The following CACNA1I variants were observed in gnomAD, a reference collection of about 807,000 sequenced individuals.
The protein encoded by CACNA1I is calcium voltage-gated channel subunit alpha1 I.
A neutral mutation model predicts 201.6 loss-of-function variants in CACNA1I; 74 were observed. The observed-to-expected ratio is 0.37, with a 90% CI of 0.30 to 0.45. CACNA1I has a LOEUF of 0.45. Ranked by LOEUF, CACNA1I falls within the 20% of genes least tolerant of loss-of-function variation. The pLI, the probability that CACNA1I is intolerant of heterozygous loss-of-function variation, is 1.00. For missense variants in CACNA1I, 2,346 were observed against 3,138.1 expected, an observed-to-expected ratio of 0.75 and a Z score of 6.03; for synonymous variants, 1,431 against 1,345.2, an observed-to-expected ratio of 1.06 and a Z score of -1.40.
chr22:39,580,124 A>G (rs575714936), intron 1 of CACNA1I, among the ~76,000 whole-genome samples: 1 of 152,146 alleles, frequency 6.6e-6, no homozygotes, highest in Non-Finnish European at 1.5e-5. Flanking sequence ...TGGAGGAGAC[A>G]CACATCAAAG....
At position 39,665,767 on chromosome 22, in the gene CACNA1I, T is replaced by G. The variant is rs1601515183; in HGVS notation, c.3979-114T>G. 2 of 1,546,752 alleles carry G rather than the reference T, an allele frequency of 1.3e-6. No homozygotes were observed. The highest frequency in any genetic ancestry group is 4.5e-5 in the East Asian group (2 of 44,298). ...TCTCCTCCAGGGAGGGAGACAGACA[T>G]GGGCCCAGATGACTGAGCACAAGAC... On this transcript the variant is annotated intron_variant, in intron 22 of 36. Coordinates refer to ENST00000402142, the MANE Select transcript of CACNA1I (RefSeq NM_021096.4). This position sits in a 1 kb window ranked among gnomAD's most constrained non-coding sequence, Gnocchi z 5.5.
At chr22:39,613,986 C>T (rs1422211113) in intron 3 of CACNA1I, among the ~76,000 whole-genome samples, 9 of 152,246 alleles carry the variant, frequency 5.9e-5, no homozygotes, top group East Asian at 1.9e-4. Flanking sequence ...TACAGGCGTG[C>T]GCCACCATGC....
At position 39,677,523 on chromosome 22, in the gene CACNA1I, G is replaced by T; in HGVS notation, c.4933+104G>T. The T allele has an allele frequency of 1.3e-6, 1 of 792,486 alleles. No homozygotes were observed. Among genetic ancestry groups the T allele is most frequent in the Non-Finnish European group, 2.0e-6 (1 of 511,528 alleles). The allele number at this position is 792,486 out of a possible 1,614,324, so 49.1% of individuals were successfully genotyped here. A position where few individuals can be genotyped will look rare whatever the true frequency, so the allele number is the denominator to read the frequency against. ...AGACCCCTGAGCCCGTCACATCAGG[G>T]TCTTTGTATTGGGGAGATGCCTACA... On this transcript the variant is annotated intron_variant, in intron 30 of 36. Coordinates refer to ENST00000402142, the MANE Select transcript of CACNA1I (RefSeq NM_021096.4). The surrounding 1 kb of genome is among the most constrained non-coding windows in gnomAD (Gnocchi z 4.8).
At chr22:39,664,598 G>A in intron 20 of CACNA1I, 141 bp from the exon 21 acceptor site, 1 of 535,952 alleles carries the variant, frequency 1.9e-6, no homozygotes, top group South Asian at 2.0e-5. Flanking sequence ...CCTTCCCTTC[G>A]GCCCCGCCAC....
Position 39,619,269 on chromosome 22 carries a change from G to A in CACNA1I, c.483-41G>A, listed in dbSNP as rs541405561. 2.0e-6 allele frequency: 3 copies of A among 1,506,368 alleles called. No individual in the cohort carries two copies. In the South Asian group the frequency reaches 3.4e-5, roughly 17 times the overall value. The allele number at this position is 1,506,368 out of a possible 1,614,324, so 93.3% of individuals were successfully genotyped here. On this transcript the variant is annotated intron_variant, in intron 3 of 36. Transcript: ENST00000402142. ...GTGGCCCGGGCCCTGGCCCCAGCTG[G>A]CCTCCAGCACCATCCCTCACTCTCT...
intron 28 of CACNA1I, among the ~76,000 whole-genome samples, chr22:39,673,732 G>C (rs569367308): frequency 4.6e-5 from 7 of 152,256 alleles, no homozygotes; most frequent in Admixed American, 6.5e-5. Flanking sequence ...CCCCGTCCTC[G>C]GGGGCTTTTC....
Position 39,686,534 on chromosome 22 carries a change from G to A in CACNA1I, c.*129G>A. 2 of 689,228 alleles carry A rather than the reference G, an allele frequency of 2.9e-6. No individual in the cohort carries two copies. The highest frequency in any genetic ancestry group is 3.9e-6 in the Non-Finnish European group (2 of 507,480). The allele number at this position is 689,228 out of a possible 1,614,324, so 42.7% of individuals were successfully genotyped here. On this transcript the variant is annotated 3_prime_UTR_variant, in exon 37 of 37. Transcript: ENST00000402142. ...CAGGGCCCGCAGGGCACAGGCGCCC[G>A]ACAGCCGGGCTGAGCGGAGTCTGGG...
At position 39,681,031 on chromosome 22, in the gene CACNA1I, A is replaced by T. The variant is rs1002526028; in HGVS notation, c.5643A>T (p.Pro1881=). Reference sequence around the variant, plus strand: ...GTCTCGAGGACCCCACAGCCTGCCCACCTGGCCGCAAAGACAGCAAGGTCA... The same window carrying T: ...GTCTCGAGGACCCCACAGCCTGCCCTCCTGGCCGCAAAGACAGCAAGGTCA... ...DLSLEDPTAC[P]PGRKDSKGEL... Residue 1881 remains proline (P), a synonymous_variant, in exon 34 of 37, where the codon CCA becomes CCT. Transcript: ENST00000402142. The T allele has an allele frequency of 2.5e-6, 4 of 1,609,644 alleles. No homozygotes were observed. In the African/African-American group the frequency reaches 5.3e-5, roughly 22 times the overall value.
chr22:39,590,599 C>T lies in CACNA1I; in HGVS notation c.237-7552C>T, dbSNP rs148458281. On this transcript the variant is annotated intron_variant, in intron 1 of 36. Transcript: ENST00000402142. ...CATCTCAGTTGGGGGTCCCTCACATCGCAGACACTGAACCAGGTGATGGCA... is the reference window on the plus strand; with the variant it reads ...CATCTCAGTTGGGGGTCCCTCACATTGCAGACACTGAACCAGGTGATGGCA... Among the ~76,000 whole-genome samples the T allele has an allele frequency of 2.7e-4, 41 of 152,330 alleles. 1 individual carries two copies. The East Asian group carries it at 7.9e-3, about 29-fold the overall frequency.
At chr22:39,620,065 A>ACCCGTCCACCCACCCACCTG (rs58664555) in intron 4 of CACNA1I, among the ~76,000 whole-genome samples, 1 of 94,378 alleles carries the variant, frequency 1.1e-5, no homozygotes, top group Non-Finnish European at 2.1e-5. Context: ...CCACCCACCC[A>ACCCGTCCACCCACCCACCTG]TCCACCCACC....
intron 4 of CACNA1I, among the ~76,000 whole-genome samples, chr22:39,620,280 C>T (rs555176435): frequency 3.2e-5 from 2 of 62,188 alleles, no homozygotes; most frequent in South Asian, 7.0e-4. Flanking sequence ...TCCATCCATA[C>T]GTACATACAT....
intron 4 of CACNA1I, among the ~76,000 whole-genome samples, chr22:39,621,969 G>A (rs1933755924): frequency 6.6e-6 from 1 of 152,176 alleles, no homozygotes; most frequent in African/African-American, 2.4e-5. Flanking sequence ...AACAAATGAG[G>A]AAACTAAGGT....
chr22:39,597,918 G>A lies in CACNA1I; in HGVS notation c.237-233G>A, dbSNP rs138238213. On this transcript the variant is annotated intron_variant, in intron 1 of 36. Transcript: ENST00000402142. ...CTCTCAGGCTGGGGCAAGGAGTGGG[G>A]TCCTGCAGCTGGGGGCCTGGTGGGT... 1.1e-3 allele frequency among the ~76,000 whole-genome samples: 173 copies of A among 152,312 alleles called. 5 individuals carry two copies. In the East Asian group the frequency reaches 0.016, roughly 14 times the overall value.
At chr22:39,618,905 A>T (rs1049309131) in intron 3 of CACNA1I, among the ~76,000 whole-genome samples, 3 of 152,116 alleles carry the variant, frequency 2.0e-5, no homozygotes, top group South Asian at 2.1e-4. Flanking sequence ...CTAGTTGAGC[A>T]TGGAAGGGAT....
At chr22:39,583,515 T>C (rs1320002560) in intron 1 of CACNA1I, among the ~76,000 whole-genome samples, 1 of 152,168 alleles carries the variant, frequency 6.6e-6, no homozygotes, top group East Asian at 1.9e-4. Context: ...CGTCTGCTTA[T>C]CCACCCATCC....
At chr22:39,628,096 C>T (rs763246683) in intron 4 of CACNA1I, among the ~76,000 whole-genome samples, 20 of 152,294 alleles carry the variant, frequency 1.3e-4, no homozygotes, top group Admixed American at 3.3e-4. Flanking sequence ...AGGTCGAGTT[C>T]TGCATTCTGT....
rs1601534659 is a variant in CACNA1I at position 39,684,669 on chromosome 22, G to A, written c.6027+171G>A. 4 of 703,560 alleles carry A rather than the reference G, an allele frequency of 5.7e-6. No individual in the cohort carries two copies. The highest frequency in any genetic ancestry group is 9.6e-6 in the Non-Finnish European group (4 of 415,418). 43.6% of individuals were successfully genotyped at this position (703,560 alleles called of 1,614,324 possible). A position where few individuals can be genotyped will look rare whatever the true frequency, so the allele number is the denominator to read the frequency against. On this transcript the variant is annotated intron_variant, in intron 36 of 36. Coordinates refer to ENST00000402142, the MANE Select transcript of CACNA1I (RefSeq NM_021096.4). The surrounding 1 kb of genome is among the most constrained non-coding windows in gnomAD (Gnocchi z 4.6). ...GGGTGACGCTGAGACTGGAGGGGGA[G>A]GTGGCACTGGGGCGGATGGAGTGGG... is the stretch of plus-strand genomic sequence containing the variant.
In CACNA1I at chr22:39,661,543, C is replaced by T. The variant is rs114768056; in HGVS notation, c.2901+233C>T. Among the ~76,000 whole-genome samples the T allele has an allele frequency of 5.6e-3, 853 of 152,320 alleles. 7 individuals carry two copies. Among genetic ancestry groups the T allele is most frequent in the African/African-American group, 0.019 (806 of 41,566 alleles). On this transcript the variant is annotated intron_variant, in intron 16 of 36. Transcript: ENST00000402142. ...CTGGTGCAGAGAATTGGATTTTCAT[C>T]TCAGCAACAATGTGTAGGGTAAAAA... is the stretch of plus-strand genomic sequence containing the variant.
chr22:39,659,737 G>T lies in CACNA1I; in HGVS notation c.2489G>T (p.Gly830Val). 6.2e-7 allele frequency: 1 copy of T among 1,613,932 alleles called. No individual in the cohort carries two copies. The highest frequency in any genetic ancestry group is 8.5e-7 in the Non-Finnish European group (1 of 1,179,868). The change falls in exon 14 of 37, where the codon GGC (glycine) becomes GTC (valine). Residue 830 changes from glycine (G) to valine (V), a missense_variant. By Grantham distance (109) the Gly-to-Val change is moderately radical. Coordinates refer to ENST00000402142, the MANE Select transcript of CACNA1I (RefSeq NM_021096.4). The surrounding 1 kb of genome is among the most constrained non-coding windows in gnomAD (Gnocchi z 4.3). Reference sequence around the variant, plus strand: ...GACTGGAACGTCGTTCTCTACAATGGCATGGCCTCCACTTCTCCCTGGGCC... The same window carrying T: ...GACTGGAACGTCGTTCTCTACAATGTCATGGCCTCCACTTCTCCCTGGGCC... ...QEDWNVVLYN[G>V]MASTSPWASL...
Sources: gnomAD v4.1 joint callset for allele counts (sites outside exome capture counted in the v4.1 genomes callset) on GRCh38, gnomAD v4.1.1 for gene constraint, Gnocchi (gnomAD v3.1) non-coding constraint, MANE v1.5 for transcripts, NCBI Gene and HGNC (gene_info 2026-07-23, HGNC 2026-07-21) for gene names.